The following SNTG2 variants were observed in gnomAD, a reference collection of about 807,000 sequenced individuals.
SNTG2 encodes syntrophin gamma 2.
In SNTG2, 74 loss-of-function variants were observed where a neutral mutation model predicts 70.9. The observed-to-expected ratio is 1.04, with a 90% CI of 0.86 to 1.27. The LOEUF is 1.27. Ranked by LOEUF, SNTG2 falls within the 50% of genes most tolerant of loss-of-function variation. The pLI, the probability that SNTG2 is intolerant of heterozygous loss-of-function variation, is 0.00. For missense variants in SNTG2, 717 were observed against 690.7 expected, an observed-to-expected ratio of 1.04 and a Z score of -0.43; for synonymous variants, 278 against 273.8, an observed-to-expected ratio of 1.02 and a Z score of -0.15.
intron 12 of SNTG2, among the ~76,000 whole-genome samples, chr2:1,255,382 C>A (rs1466227179): frequency 1.3e-5 from 2 of 152,076 alleles, no homozygotes. Context: ...ACCAATGTAC[C>A]TATGAATCAC....
intron 8 of SNTG2, among the ~76,000 whole-genome samples, chr2:1,178,191 C>T (rs940106412): frequency 5.9e-5 from 9 of 152,130 alleles, no homozygotes; most frequent in African/African-American, 1.2e-4. Context: ...CTTGTAGAGA[C>T]GATTTAAAGC....
chr2:1,170,572 C>T (rs1355540560), intron 7 of SNTG2, among the ~76,000 whole-genome samples: 1 of 152,110 alleles, frequency 6.6e-6, no homozygotes, highest in Non-Finnish European at 1.5e-5. Flanking sequence ...AATGGAATCC[C>T]GCACAAAGAT....
At chr2:1,304,533 C>T (rs1680591766) in intron 14 of SNTG2, among the ~76,000 whole-genome samples, 1 of 152,110 alleles carries the variant, frequency 6.6e-6, no homozygotes, top group African/African-American at 2.4e-5. Flanking sequence ...TGAGACCAGC[C>T]TGGTCAACAT....
intron 4 of SNTG2, among the ~76,000 whole-genome samples, chr2:1,106,671 A>G (rs868206024): frequency 1.1e-4 from 13 of 115,446 alleles, no homozygotes; most frequent in Admixed American, 3.5e-4. Context: ...GGTGCAGGGT[A>G]TGGAGAGCTC....
intron 16 of SNTG2, among the ~76,000 whole-genome samples, chr2:1,331,186 G>A (rs1346050190): frequency 6.6e-6 from 1 of 152,252 alleles, no homozygotes; most frequent in Non-Finnish European, 1.5e-5. Flanking sequence ...ATGAGGGTCA[G>A]AGCTGCAATG....
At chr2:1,007,134 G>A (rs1659597411) in intron 1 of SNTG2, among the ~76,000 whole-genome samples, 1 of 152,140 alleles carries the variant, frequency 6.6e-6, no homozygotes. Flanking sequence ...TTTATATCAG[G>A]GACTTGAGTA....
At chr2:1,316,424 T>C (rs1457390973) in intron 16 of SNTG2, 49 bp downstream of exon 16, 6 of 991,014 alleles carry the variant, frequency 6.1e-6, no homozygotes, top group Non-Finnish European at 9.3e-6. Context: ...ACACATAAAG[T>C]ACAGCTCAGA....
intron 1 of SNTG2, among the ~76,000 whole-genome samples, chr2:1,019,844 A>T (rs1405615991): frequency 2.6e-5 from 4 of 152,050 alleles, no homozygotes; most frequent in African/African-American, 9.7e-5. Flanking sequence ...AGGTCAGGAG[A>T]CTAGTGTGGC....
intron 16 of SNTG2, among the ~76,000 whole-genome samples, chr2:1,352,285 C>G (rs1368604657): frequency 6.6e-6 from 1 of 152,218 alleles, no homozygotes; most frequent in Non-Finnish European, 1.5e-5. Context: ...GTACCGGCCT[C>G]TCCTCTCCTC....
intron 7 of SNTG2, among the ~76,000 whole-genome samples, chr2:1,167,772 G>A (rs1338997767): frequency 8.2e-5 from 10 of 122,246 alleles, no homozygotes; most frequent in East Asian, 2.7e-4. Context: ...CCCACAGACG[G>A]CAGAACTGAA....
chr2:1,157,518 G>A (rs980991923), intron 6 of SNTG2, among the ~76,000 whole-genome samples: 3 of 152,174 alleles, frequency 2.0e-5, no homozygotes, highest in Non-Finnish European at 2.9e-5. Context: ...GGCTGTGCAC[G>A]TCCCTCACAT....
Position 1,165,572 on chromosome 2 carries a change from G to A in SNTG2, c.436G>A (p.Asp146Asn), listed in dbSNP as rs774232298. 2.9e-5 allele frequency: 46 copies of A among 1,611,924 alleles called. No individual in the cohort carries two copies. Among genetic ancestry groups the A allele is most frequent in the African/African-American group, 1.2e-4 (9 of 74,882 alleles). The change falls in exon 7 of 17, where the codon GAT becomes AAT. Residue 146 changes from aspartate (D) to asparagine (N), a missense_variant. By Grantham distance (23) the Asp-to-Asn change is conservative (BLOSUM62 1). Transcript: ENST00000308624. The part of the protein sequence containing the change: ...EVVHLLRNAG[D>N]EVTITVEYLR... ...GGTGCATCTGCTGAGAAATGCTGGC[G>A]ATGAAGTTACCATCACCGTTGAGTA...
intron 1 of SNTG2, among the ~76,000 whole-genome samples, chr2:1,038,818 CA>C (rs1661274939): frequency 6.6e-6 from 1 of 152,214 alleles, no homozygotes; most frequent in African/African-American, 2.4e-5. Flanking sequence ...AATTTAATTT[CA>C]CAGTCAAATG....
chr2:1,073,568 G>A (rs915613782), intron 1 of SNTG2, among the ~76,000 whole-genome samples: 2 of 152,182 alleles, frequency 1.3e-5, no homozygotes, highest in Non-Finnish European at 1.5e-5. Flanking sequence ...TGTGTGACTT[G>A]CATTATCGCA....
In SNTG2 at chr2:1,196,734, A is replaced by T. The variant is rs1672932764; in HGVS notation, c.592-12369A>T. ...GAAAATGAGATGATACATTCAAAGT[A>T]CTAAAAGAAAAAAAACACTTCTAGC... On this transcript the variant is annotated intron_variant, in intron 8 of 16. Transcript: ENST00000308624. 2.6e-5 allele frequency among the ~76,000 whole-genome samples: 4 copies of T among 152,152 alleles called. No individual in the cohort carries two copies. In the South Asian group the frequency reaches 8.3e-4, roughly 32 times the overall value.
chr2:1,034,678 G>A (rs1661033970), intron 1 of SNTG2, among the ~76,000 whole-genome samples: 1 of 152,132 alleles, frequency 6.6e-6, no homozygotes, highest in Non-Finnish European at 1.5e-5. Context: ...GTATCTCATT[G>A]TGATTTTGAT....
At chr2:1,169,634 G>C (rs1207598478) in intron 7 of SNTG2, among the ~76,000 whole-genome samples, 1 of 152,250 alleles carries the variant, frequency 6.6e-6, no homozygotes, top group African/African-American at 2.4e-5. Flanking sequence ...CCTGACTTCT[G>C]TCCGTGGGCT....
chr2:1,079,015 T>C (rs74869532), intron 1 of SNTG2, among the ~76,000 whole-genome samples: 20,647 of 152,276 alleles, frequency 0.14, 1,641 homozygotes, highest in Middle Eastern at 0.2. Context: ...AAGTTTACTT[T>C]TGAAGAAGTT....
chr2:1,141,519 T>A (rs113136759), intron 6 of SNTG2, among the ~76,000 whole-genome samples: 6 of 152,252 alleles, frequency 3.9e-5, no homozygotes, highest in African/African-American at 1.4e-4. Flanking sequence ...GAGTTCCATC[T>A]GTTGATATTT....
Sources: allele counts gnomAD v4.1 joint callset (sites outside exome capture counted in the v4.1 genomes callset), GRCh38; gene constraint gnomAD v4.1.1; transcripts MANE v1.5; gene names NCBI Gene and HGNC (gene_info 2026-07-23, HGNC 2026-07-21).